SYN2: variants seen among roughly 807,000 people sequenced by gnomAD.
SYN2 encodes the protein synapsin-2.
Under a neutral mutation model 50.9 loss-of-function variants are expected in SYN2, and 19 were observed. That is an observed-to-expected ratio of 0.37 (90% CI 0.26 to 0.55). The LOEUF (loss-of-function observed/expected upper bound fraction) is 0.55. Among genes scored for constraint, SYN2 ranks in the 20% least tolerant of loss-of-function variants. The probability of loss-of-function intolerance (pLI) is 0.81; values close to 1 mark genes in which losing one functional copy is unlikely to be tolerated. For missense variants in SYN2, 587 were observed against 576.4 expected (o/e 1.02, Z -0.19); for synonymous variants, 255 against 224.9 (o/e 1.13, Z -1.20).
rs879363432 is a variant in SYN2 at position 12,114,116 on chromosome 3, CT to C, written c.378-26522del. Among the ~76,000 whole-genome samples the C allele has an allele frequency of 6.2e-3, 898 of 143,928 alleles. 2 individuals carry two copies. Among genetic ancestry groups the C allele is most frequent in the Middle Eastern group, 0.011 (3 of 274 alleles). The allele number at this position is 143,928 out of a possible 152,430, so 94.4% of individuals were successfully genotyped here. A position where few individuals can be genotyped will look rare whatever the true frequency, so the allele number is the denominator to read the frequency against. ...TTGTTGGCAATAGACAATAGTCCAT[CT>C]TTTTTTTTTTTTATTGTAGCTATAC... On this transcript the variant is annotated intron_variant, in intron 1 of 12. Transcript: ENST00000621198.
At chr3:12,183,511 G>A in intron 11 of SYN2, 139 bp downstream of exon 11, 1 of 1,578,542 alleles carries the variant, frequency 6.3e-7, no homozygotes, top group Non-Finnish European at 8.6e-7. Flanking sequence ...GCGGGGAGGG[G>A]AAAACAGACC....
chr3:12,132,308 C>G (rs996997152), intron 1 of SYN2, among the ~76,000 whole-genome samples: 8 of 152,186 alleles, frequency 5.3e-5, no homozygotes, highest in Non-Finnish European at 4.4e-5. Context: ...TATATGGTCT[C>G]TAAACTTGAT....
intron 1 of SYN2, among the ~76,000 whole-genome samples, chr3:12,036,320 G>C (rs779152038): frequency 1.3e-5 from 2 of 152,130 alleles, no homozygotes; most frequent in Admixed American, 1.3e-4. Flanking sequence ...AAGTCTCTGC[G>C]TTGGCCCCCA....
intron 7 of SYN2, among the ~76,000 whole-genome samples, chr3:12,166,813 G>A (rs996574145): frequency 3.9e-5 from 6 of 152,174 alleles, no homozygotes; most frequent in Admixed American, 1.3e-4. Context: ...ATGGGTAGGC[G>A]TCTGGGAACA....
At chr3:12,041,982 C>G (rs1257490350) in intron 1 of SYN2, among the ~76,000 whole-genome samples, 4 of 152,218 alleles carry the variant, frequency 2.6e-5, no homozygotes, top group Non-Finnish European at 1.5e-5. Context: ...TCCTTCAATG[C>G]TAGCATTGGT....
At chr3:12,125,203 T>C (rs745867924) in intron 1 of SYN2, among the ~76,000 whole-genome samples, 23 of 151,988 alleles carry the variant, frequency 1.5e-4, no homozygotes, top group Non-Finnish European at 3.1e-4. Context: ...TTTTTCACCA[T>C]GTTGGCCAGG....
intron 1 of SYN2, among the ~76,000 whole-genome samples, chr3:12,048,421 G>A (rs1176518523): frequency 1.3e-5 from 2 of 152,202 alleles, no homozygotes; most frequent in Non-Finnish European, 2.9e-5. Context: ...ACCTGCTTTG[G>A]CCTCCCAAAG....
At chr3:12,072,257 A>G (rs1247803850) in intron 1 of SYN2, among the ~76,000 whole-genome samples, 3 of 152,210 alleles carry the variant, frequency 2.0e-5, no homozygotes, top group African/African-American at 7.2e-5. Flanking sequence ...ATATATGATT[A>G]GCAAATATTT....
intron 1 of SYN2, among the ~76,000 whole-genome samples, chr3:12,085,789 C>G (rs2125177848): frequency 6.6e-6 from 1 of 151,982 alleles, no homozygotes; most frequent in Non-Finnish European, 1.5e-5. Flanking sequence ...GCAATAAATG[C>G]CTATATCAAA....
Position 12,187,430 on chromosome 3 carries a change from C to A in SYN2, c.1431C>A (p.Leu477=). The change falls in exon 12 of 13, where the codon CTC becomes CTA. Residue 477 remains leucine (L), a synonymous_variant. Transcript: ENST00000621198. ...GCAAGGTGCTGCCTCCACGCCGGCT[C>A]CCCCCTGGACCATCACTGCCACCTT... ...PPGKVLPPRR[L]PPGPSLPPSS... is the part of the protein sequence containing the mutation. The A allele has an allele frequency of 1.3e-6, 2 of 1,552,042 alleles. No homozygotes were observed. Among genetic ancestry groups the A allele is most frequent in the Non-Finnish European group, 1.7e-6 (2 of 1,146,946 alleles).
At chr3:12,028,800 C>T (rs1013183935) in intron 1 of SYN2, among the ~76,000 whole-genome samples, 9 of 147,634 alleles carry the variant, frequency 6.1e-5, no homozygotes, top group South Asian at 2.2e-4. Flanking sequence ...GAGTAGGTTG[C>T]GAAAATTTTC....
intron 1 of SYN2, among the ~76,000 whole-genome samples, chr3:12,127,895 A>G (rs897119957): frequency 2.0e-5 from 3 of 152,222 alleles, no homozygotes; most frequent in Non-Finnish European, 1.5e-5. Context: ...GAATCAATGC[A>G]TCAGCAAAAT....
chr3:12,038,095 G>C (rs986498795), intron 1 of SYN2, among the ~76,000 whole-genome samples: 4 of 152,138 alleles, frequency 2.6e-5, no homozygotes, highest in Non-Finnish European at 1.5e-5. Flanking sequence ...ATGCTGTGAA[G>C]AGTCCAAATT....
chr3:12,009,278 A>T (rs1249322105), intron 1 of SYN2, among the ~76,000 whole-genome samples: 1 of 151,864 alleles, frequency 6.6e-6, no homozygotes, highest in African/African-American at 2.4e-5. Context: ...AAGGTTACTC[A>T]CTTAGCTAAT....
At chr3:12,049,306 G>A (rs1694805978) in intron 1 of SYN2, among the ~76,000 whole-genome samples, 1 of 151,984 alleles carries the variant, frequency 6.6e-6, no homozygotes, top group Non-Finnish European at 1.5e-5. Context: ...ATCACCTGAG[G>A]TCAGGAGTTC....
chr3:12,009,241 G>A (rs756009095), intron 1 of SYN2, among the ~76,000 whole-genome samples: 11 of 152,068 alleles, frequency 7.2e-5, no homozygotes, highest in Non-Finnish European at 2.9e-5. Flanking sequence ...GGGAAATCTC[G>A]ATCTCGAGAG....
chr3:12,004,497 T>C lies in SYN2; in HGVS notation c.-55T>C. The C allele has an allele frequency of 2.2e-6, 1 of 455,600 alleles. No individual in the cohort carries two copies. The highest frequency in any genetic ancestry group is 4.2e-6 in the Non-Finnish European group (1 of 238,412). The allele number at this position is 455,600 out of a possible 1,614,324, so 28.2% of individuals were successfully genotyped here. On this transcript the variant is annotated 5_prime_UTR_variant, in exon 1 of 13. Transcript: ENST00000621198. ...TCAATCTCGCCTTCCGCCCTCGCTCTCCCTCCGCGCCACCAGACCCCGTAG... is the reference window on the plus strand; with the variant it reads ...TCAATCTCGCCTTCCGCCCTCGCTCCCCCTCCGCGCCACCAGACCCCGTAG...
chr3:12,093,766 T>C lies in SYN2; in HGVS notation c.378-46885T>C, dbSNP rs117143136. 9.2e-4 allele frequency among the ~76,000 whole-genome samples: 140 copies of C among 152,332 alleles called. 4 individuals are homozygous for C. The East Asian group carries it at 0.024, about 26-fold the overall frequency. On this transcript the variant is annotated intron_variant, in intron 1 of 12. Transcript: ENST00000621198. ...TGATATCCTTACTCTATATCCTAACTGTTCTAATGGTTACTTTTCAAAAGT... is the reference window on the plus strand; with the variant it reads ...TGATATCCTTACTCTATATCCTAACCGTTCTAATGGTTACTTTTCAAAAGT...
chr3:12,158,172 G>A (rs1474543547), intron 5 of SYN2, among the ~76,000 whole-genome samples: 1 of 152,208 alleles, frequency 6.6e-6, no homozygotes, highest in Non-Finnish European at 1.5e-5. Context: ...GGAGCCTGCA[G>A]AGAAGGGGAG....
Sources: gnomAD v4.1 joint callset for allele counts (sites outside exome capture counted in the v4.1 genomes callset) on GRCh38, gnomAD v4.1.1 for gene constraint, MANE v1.5 for transcripts, NCBI Gene and HGNC (gene_info 2026-07-23, HGNC 2026-07-21) for gene names.